The following RAPGEF4 variants were observed in gnomAD, a reference collection of about 807,000 sequenced individuals.
RAPGEF4 encodes RAP guanine-nucleotide-exchange factor (GEF) 4.
In RAPGEF4, 66 loss-of-function variants were observed where a neutral mutation model predicts 147.9. That is an observed-to-expected ratio of 0.45 (90% CI 0.37 to 0.55). The LOEUF (loss-of-function observed/expected upper bound fraction) is 0.55, where lower values mean the gene tolerates loss of function less well. Among genes scored for constraint, RAPGEF4 ranks in the 20% least tolerant of loss-of-function variants. RAPGEF4 has a pLI of 0.00. For synonymous variants in RAPGEF4, 419 were observed against 442.7 expected (o/e 0.95, Z 0.67); for missense variants, 1,071 against 1,257.3 (o/e 0.85, Z 2.24).
intron 17 of RAPGEF4, among the ~76,000 whole-genome samples, chr2:173,004,379 A>G (rs796854354): frequency 1.4e-4 from 22 of 152,258 alleles, no homozygotes; most frequent in African/African-American, 5.1e-4. Flanking sequence ...CCTTTTTTAA[A>G]TCTGCATTTA....
chr2:172,976,269 A>C (rs1243051735), intron 10 of RAPGEF4, among the ~76,000 whole-genome samples: 3 of 152,174 alleles, frequency 2.0e-5, no homozygotes, highest in Non-Finnish European at 1.5e-5. Flanking sequence ...TTAAATGTGC[A>C]GTCACCAGGT....
At chr2:172,808,916 G>C (rs1687754330) in intron 3 of RAPGEF4, among the ~76,000 whole-genome samples, 1 of 152,198 alleles carries the variant, frequency 6.6e-6, no homozygotes, top group African/African-American at 2.4e-5. Context: ...CTGATGCCCT[G>C]CCTTCCAGCA....
At chr2:172,894,538 A>G (rs1698277044) in intron 4 of RAPGEF4, among the ~76,000 whole-genome samples, 1 of 152,212 alleles carries the variant, frequency 6.6e-6, no homozygotes, top group Non-Finnish European at 1.5e-5. Context: ...GGGAGAGAGT[A>G]GAAGAATTAT....
chr2:172,806,027 G>C lies in RAPGEF4; in HGVS notation c.298-8252G>C, dbSNP rs1320220209. 6.3e-4 allele frequency among the ~76,000 whole-genome samples: 92 copies of C among 147,188 alleles called. 1 individual carries two copies. Among genetic ancestry groups the C allele is most frequent in the East Asian group, 1.4e-3 (7 of 5,070 alleles). On this transcript the variant is annotated intron_variant, in intron 3 of 30. Transcript: ENST00000397081. ...AGATATTATCCGGCTGTGTGTGTGT[G>C]TGTGTGTGTGTGTGTGTGTGTGTGT...
At chr2:172,808,056 T>G (rs770025748) in intron 3 of RAPGEF4, among the ~76,000 whole-genome samples, 1 of 152,242 alleles carries the variant, frequency 6.6e-6, no homozygotes, top group Non-Finnish European at 1.5e-5. Context: ...CTATAACTTG[T>G]GTAAGTTGGA....
chr2:172,922,043 C>T (rs971713679), intron 5 of RAPGEF4, among the ~76,000 whole-genome samples: 4 of 152,254 alleles, frequency 2.6e-5, no homozygotes, highest in African/African-American at 7.2e-5. Context: ...ATATGGTAGA[C>T]GCAAAATAAG....
chr2:172,867,123 C>T (rs1347781888), intron 4 of RAPGEF4, among the ~76,000 whole-genome samples: 1 of 151,808 alleles, frequency 6.6e-6, no homozygotes, highest in Admixed American at 6.6e-5. Flanking sequence ...AGGCGCCCAC[C>T]ACCACACACA....
intron 4 of RAPGEF4, among the ~76,000 whole-genome samples, chr2:172,901,184 G>A (rs1699024089): frequency 6.6e-6 from 1 of 152,132 alleles, no homozygotes; most frequent in Non-Finnish European, 1.5e-5. Context: ...CCACACATGG[G>A]TTTTTTAAAA....
chr2:172,860,089 T>A, intron 4 of RAPGEF4: 1 of 985,392 alleles, frequency 1.0e-6, no homozygotes, highest in African/African-American at 1.7e-5. Context: ...AAAGGTAGGA[T>A]GCATACGCAG....
chr2:172,814,065 G>A (rs72908146), intron 3 of RAPGEF4, among the ~76,000 whole-genome samples: 1 of 152,072 alleles, frequency 6.6e-6, no homozygotes, highest in Non-Finnish European at 1.5e-5. Context: ...GTCTTGCCTG[G>A]AAAGGGGCAC....
chr2:172,993,538 G>C (rs1485428873), intron 15 of RAPGEF4, among the ~76,000 whole-genome samples: 2 of 152,170 alleles, frequency 1.3e-5, no homozygotes, highest in Admixed American at 1.3e-4. Context: ...ACCAATTGGA[G>C]TTTGCTTTTA....
At chr2:172,918,059 G>A in intron 5 of RAPGEF4, 185 bp downstream of exon 5, 2 of 747,218 alleles carry the variant, frequency 2.7e-6, no homozygotes, top group Non-Finnish European at 4.9e-6. Context: ...GTATTAGTCT[G>A]TGGTCTTAGC....
At chr2:172,967,079 T>C in intron 9 of RAPGEF4, 182 bp from the exon 10 acceptor site, 1 of 602,736 alleles carries the variant, frequency 1.7e-6, no homozygotes, top group Admixed American at 3.0e-5. Flanking sequence ...TGTGCATGAC[T>C]GCAGCCCCGA....
At chr2:173,003,614 C>G (rs1404342417) in intron 17 of RAPGEF4, among the ~76,000 whole-genome samples, 1 of 152,028 alleles carries the variant, frequency 6.6e-6, no homozygotes, top group East Asian at 1.9e-4. Context: ...TACCCCCAGC[C>G]CCCACAAAAA....
At chr2:172,776,514 T>TC (rs1358887181) in intron 1 of RAPGEF4, among the ~76,000 whole-genome samples, 1 of 152,224 alleles carries the variant, frequency 6.6e-6, no homozygotes, top group Non-Finnish European at 1.5e-5. Flanking sequence ...TAAATTTTTT[T>TC]CCCCTCCATT....
intron 6 of RAPGEF4, among the ~76,000 whole-genome samples, chr2:172,941,693 A>T (rs1405887260): frequency 6.6e-6 from 1 of 152,192 alleles, no homozygotes. Context: ...ACATCGTAGG[A>T]GTAAACCAGC....
intron 4 of RAPGEF4, among the ~76,000 whole-genome samples, chr2:172,859,501 G>A (rs1693786430): frequency 6.6e-6 from 1 of 152,186 alleles, no homozygotes; most frequent in Non-Finnish European, 1.5e-5. Context: ...GTTGATAGCA[G>A]GTTGCAACAA....
chr2:172,814,885 G>A, intron 4 of RAPGEF4: 1 of 228,860 alleles, frequency 4.4e-6, no homozygotes, highest in South Asian at 6.4e-5. Context: ...GAGAAATGGA[G>A]GTACATAAAG....
intron 23 of RAPGEF4, among the ~76,000 whole-genome samples, chr2:173,024,406 AC>A (rs1696449564): frequency 6.7e-6 from 1 of 149,128 alleles, no homozygotes; most frequent in Non-Finnish European, 1.5e-5. Flanking sequence ...TTTAGTAGAG[AC>A]GGGGTTTCAC....
Sources: allele counts gnomAD v4.1 joint callset (sites outside exome capture counted in the v4.1 genomes callset), GRCh38; gene constraint gnomAD v4.1.1; transcripts MANE v1.5; gene names NCBI Gene and HGNC (gene_info 2026-07-23, HGNC 2026-07-21).